The following OXCT1 variants were observed in gnomAD, a reference collection of about 807,000 sequenced individuals.
The protein encoded by OXCT1 is 3-oxoacid CoA-transferase 1, also known as succinyl-CoA:3-ketoacid coenzyme A transferase 1, mitochondrial.
A neutral mutation model predicts 69.6 loss-of-function variants in OXCT1; 27 were observed. The ratio of observed to expected loss-of-function variants is 0.39; its 90% CI spans 0.29 to 0.54. The LOEUF is 0.54. OXCT1 is among the 20% of genes least tolerant of loss of function. The pLI is 0.72. For missense variants in OXCT1, 437 were observed against 650.2 expected, an observed-to-expected ratio of 0.67 and a Z score of 3.57; for synonymous variants, 202 against 217.8, an observed-to-expected ratio of 0.93 and a Z score of 0.64.
intron 15 of OXCT1, among the ~76,000 whole-genome samples, chr5:41,740,873 A>C (rs1043627511): frequency 1.3e-5 from 2 of 151,942 alleles, no homozygotes; most frequent in African/African-American, 4.8e-5. Context: ...TCTTTCTCAG[A>C]CTAAAATGTT....
At chr5:41,802,110 C>T (rs1307408459) in intron 10 of OXCT1, among the ~76,000 whole-genome samples, 1 of 152,054 alleles carries the variant, frequency 6.6e-6, no homozygotes, top group Non-Finnish European at 1.5e-5. Flanking sequence ...TCTAGATAAT[C>T]TCTAAGGCAC....
At chr5:41,749,814 C>G (rs1743678154) in intron 14 of OXCT1, among the ~76,000 whole-genome samples, 1 of 152,002 alleles carries the variant, frequency 6.6e-6, no homozygotes, top group Non-Finnish European at 1.5e-5. Context: ...AGATGAATGG[C>G]CAAAGGCAGA....
chr5:41,789,425 T>C (rs1745806424), intron 13 of OXCT1, among the ~76,000 whole-genome samples: 1 of 152,230 alleles, frequency 6.6e-6, no homozygotes. Flanking sequence ...CGTTTATATT[T>C]AACAGTGCCT....
chr5:41,837,304 A>G (rs1193927736), intron 7 of OXCT1, among the ~76,000 whole-genome samples: 3 of 139,568 alleles, frequency 2.1e-5, no homozygotes, highest in Non-Finnish European at 4.6e-5. Context: ...TTTATTTAAG[A>G]AAAAAAAAAA....
At chr5:41,855,692 C>T (rs1256733036) in intron 3 of OXCT1, among the ~76,000 whole-genome samples, 2 of 152,158 alleles carry the variant, frequency 1.3e-5, no homozygotes, top group Non-Finnish European at 2.9e-5. Context: ...GAGCTACAAT[C>T]ATGAATAAGA....
chr5:41,747,447 A>G (rs1027748761), intron 15 of OXCT1, among the ~76,000 whole-genome samples: 25 of 152,260 alleles, frequency 1.6e-4, no homozygotes, highest in African/African-American at 6.0e-4. Context: ...GCACTGTGCC[A>G]AGTGTTAGAT....
intron 4 of OXCT1, among the ~76,000 whole-genome samples, chr5:41,851,726 A>G (rs1342187505): frequency 6.6e-6 from 1 of 152,130 alleles, no homozygotes; most frequent in Non-Finnish European, 1.5e-5. Flanking sequence ...AAAAAAAAAA[A>G]TGATATATTA....
At chr5:41,800,860 T>C (rs1024741151) in intron 11 of OXCT1, among the ~76,000 whole-genome samples, 162 bp downstream of exon 11, 1 of 152,076 alleles carries the variant, frequency 6.6e-6, no homozygotes, top group Non-Finnish European at 1.5e-5. Flanking sequence ...TTTATCTTGG[T>C]CATTCCTGAA....
chr5:41,756,036 A>C (rs1036529609), intron 14 of OXCT1, among the ~76,000 whole-genome samples: 3 of 152,078 alleles, frequency 2.0e-5, no homozygotes, highest in African/African-American at 7.2e-5. Context: ...AACACTAATA[A>C]GCTTAAGGTA....
chr5:41,801,277 GA>G (rs1417308012), intron 10 of OXCT1, among the ~76,000 whole-genome samples: 3 of 152,016 alleles, frequency 2.0e-5, no homozygotes, highest in African/African-American at 7.2e-5. Flanking sequence ...TTGGGCAAAT[GA>G]AAAATATTTT....
chr5:41,835,320 CCTA>C (rs1255498610), intron 7 of OXCT1, among the ~76,000 whole-genome samples: 1 of 152,148 alleles, frequency 6.6e-6, no homozygotes, highest in African/African-American at 2.4e-5. Context: ...AATATATACA[CCTA>C]CTATGTATCC....
intron 14 of OXCT1, among the ~76,000 whole-genome samples, chr5:41,758,425 C>G (rs369615722): frequency 9.2e-5 from 14 of 151,962 alleles, no homozygotes; most frequent in Middle Eastern, 3.4e-3. Flanking sequence ...AAAAATAGTA[C>G]TTGGTACCAA....
intron 13 of OXCT1, among the ~76,000 whole-genome samples, chr5:41,768,216 C>A (rs1744710382): frequency 6.6e-6 from 1 of 152,146 alleles, no homozygotes; most frequent in Non-Finnish European, 1.5e-5. Flanking sequence ...GGAATAAGTT[C>A]TGGACAATGG....
intron 1 of OXCT1, among the ~76,000 whole-genome samples, chr5:41,867,776 A>G (rs1468765867): frequency 1.3e-5 from 2 of 152,244 alleles, no homozygotes; most frequent in South Asian, 2.1e-4. Flanking sequence ...GATTTGGGAA[A>G]AGACAGGGTC....
chr5:41,849,862 AATGCTAGTGG>A (rs1164327233), intron 5 of OXCT1, among the ~76,000 whole-genome samples, 158 bp downstream of exon 5: 1 of 152,212 alleles, frequency 6.6e-6, no homozygotes, highest in Non-Finnish European at 1.5e-5. Context: ...CGTGATTTTA[AATGCTAGTGG>A]ATGCCCAGAT....
chr5:41,770,147 T>A (rs1322951235), intron 13 of OXCT1, among the ~76,000 whole-genome samples: 1 of 152,260 alleles, frequency 6.6e-6, no homozygotes, highest in African/African-American at 2.4e-5. Context: ...GTTTTCACTA[T>A]GTATTTAAGT....
rs531136127 is a variant in OXCT1, at chr5:41,848,239, C to A, written c.564+1791G>T. On this transcript the variant is annotated intron_variant, in intron 5 of 16. Transcript: ENST00000196371. ...AACTTTTACAAGGGATGTGAAGGAC[C>A]TCTTCAAGGAGAACTACAAACCACT... Among the ~76,000 whole-genome samples the A allele has an allele frequency of 3.4e-3, 522 of 152,082 alleles. 1 individual carries two copies. Among genetic ancestry groups the A allele is most frequent in the African/African-American group, 0.012 (493 of 41,450 alleles).
At chr5:41,767,213 G>A (rs1470697012) in intron 13 of OXCT1, among the ~76,000 whole-genome samples, 4 of 152,042 alleles carry the variant, frequency 2.6e-5, no homozygotes, top group Non-Finnish European at 4.4e-5. Flanking sequence ...AGTTACATGA[G>A]AATATTTCTC....
chr5:41,866,036 C>T (rs1185766723), intron 1 of OXCT1, among the ~76,000 whole-genome samples: 2 of 136,154 alleles, frequency 1.5e-5, no homozygotes, highest in African/African-American at 2.7e-5. Context: ...CCCCCCCCAC[C>T]GCTTATCCAC....
Sources: allele counts gnomAD v4.1 joint callset (sites outside exome capture counted in the v4.1 genomes callset), GRCh38; gene constraint gnomAD v4.1.1; transcripts MANE v1.5; gene names NCBI Gene and HGNC (gene_info 2026-07-23, HGNC 2026-07-21).